The following PRH1 variants were observed in gnomAD, a reference collection of about 807,000 sequenced individuals.
PRH1 encodes the protein proline rich protein HaeIII subfamily 1.
A neutral mutation model predicts 7.9 loss-of-function variants in PRH1; 7 were observed. That is an observed-to-expected ratio of 0.89 (90% CI 0.50 to 1.67). The LOEUF (loss-of-function observed/expected upper bound fraction) is 1.67. PRH1 is among the 40% of genes most tolerant of loss of function. The pLI, the probability that PRH1 is intolerant of heterozygous loss-of-function variation, is 0.00. For synonymous variants in PRH1, 45 were observed against 80.8 expected, an observed-to-expected ratio of 0.56 and a Z score of 2.38; for missense variants, 109 against 223.6, an observed-to-expected ratio of 0.49 and a Z score of 3.27.
intron 2 of PRH1, chr12:10,896,700 T>C (rs1302256923): frequency 7.1e-6 from 1 of 141,810 alleles, no homozygotes; most frequent in African/African-American, 2.6e-5. Context: ...AGGCAGATGT[T>C]GCAGTGAGCC....
At chr12:10,920,970 T>C (rs1209687652) in intron 2 of PRH1, among the ~76,000 whole-genome samples, 1 of 152,100 alleles carries the variant, frequency 6.6e-6, no homozygotes, top group Non-Finnish European at 1.5e-5. Context: ...TCTGTTGAGA[T>C]AATTTTATGT....
At chr12:11,133,952 A>C (rs1946465936) in intron 1 of PRH1, 1 of 1,614,040 alleles carries the variant, frequency 6.2e-7, no homozygotes, top group African/African-American at 1.3e-5. Flanking sequence ...GCTAGTAGCA[A>C]GCCAGCTGCT....
chr12:10,907,531 G>GTA (rs1018248519), intron 2 of PRH1, among the ~76,000 whole-genome samples: 2 of 134,702 alleles, frequency 1.5e-5, no homozygotes, highest in Admixed American at 7.8e-5. Flanking sequence ...GTGTGTGTGT[G>GTA]TATATATGGC....
At chr12:11,064,452 C>A (rs1042909554) in intron 1 of PRH1, among the ~76,000 whole-genome samples, 2 of 151,856 alleles carry the variant, frequency 1.3e-5, no homozygotes, top group African/African-American at 4.8e-5. Context: ...TGAACAGTTA[C>A]GAATAATTCT....
chr12:11,049,773 C>T (rs564374004), upstream of PRH1, among the ~76,000 whole-genome samples: 1 of 152,050 alleles, frequency 6.6e-6, no homozygotes, highest in Non-Finnish European at 1.5e-5. Context: ...TTGTTTAATA[C>T]CAGAATCTAA....
chr12:11,065,447 AT>A (rs1943766526), intron 1 of PRH1, among the ~76,000 whole-genome samples: 1 of 93,256 alleles, frequency 1.1e-5, no homozygotes, highest in South Asian at 7.6e-4. Context: ...AGTTGTTCTG[AT>A]TGTAGCTTCA....
intron 2 of PRH1, among the ~76,000 whole-genome samples, chr12:10,953,805 T>C (rs752133960): frequency 5.3e-5 from 8 of 151,886 alleles, no homozygotes; most frequent in Non-Finnish European, 1.0e-4. Flanking sequence ...CCAAGACACA[T>C]AGTCATCAGA....
intron 2 of PRH1, among the ~76,000 whole-genome samples, chr12:10,945,895 T>TCCATTTGC (rs1950479727): frequency 6.6e-6 from 1 of 152,224 alleles, no homozygotes; most frequent in Non-Finnish European, 1.5e-5. Flanking sequence ...GTGATATTTC[T>TCCATTTGC]CCATTTGCTT....
chr12:10,908,263 G>T, intron 2 of PRH1: 2 of 796,662 alleles, frequency 2.5e-6, no homozygotes, highest in South Asian at 4.1e-5. Context: ...CATTTACAGT[G>T]ACCTTCACAA....
intron 1 of PRH1, among the ~76,000 whole-genome samples, chr12:11,168,806 TTAA>T (rs750364061): frequency 1.3e-5 from 2 of 152,208 alleles, no homozygotes; most frequent in Non-Finnish European, 2.9e-5. Context: ...CAATGGAATG[TTAA>T]TAAACCAAGG....
At chr12:11,088,263 C>A (rs1944776174) in intron 1 of PRH1, among the ~76,000 whole-genome samples, 1 of 121,518 alleles carries the variant, frequency 8.2e-6, no homozygotes, top group Non-Finnish European at 1.9e-5. Flanking sequence ...ATCACTTGAG[C>A]CCAGAAGGTT....
At chr12:11,105,995 C>T (rs1322807274) in intron 1 of PRH1, among the ~76,000 whole-genome samples, 1 of 44,018 alleles carries the variant, frequency 2.3e-5, no homozygotes, top group African/African-American at 6.7e-5. Context: ...AGCTGGACTG[C>T]AGTGGTGCTA....
At chr12:11,133,600 T>A (rs1946442635) in intron 1 of PRH1, 1 of 1,614,146 alleles carries the variant, frequency 6.2e-7, no homozygotes, top group Admixed American at 1.7e-5. Flanking sequence ...GATCTTGAGA[T>A]CCTTTGCCAT....
chr12:11,103,713 A>T (rs2597967), intron 1 of PRH1, among the ~76,000 whole-genome samples: 68,950 of 151,534 alleles, frequency 0.46, 16,479 homozygotes, highest in Non-Finnish European at 0.53. Context: ...AATAAAATAT[A>T]AAAAAAATGA....
At chr12:11,108,495 C>T (rs1372480650) in intron 1 of PRH1, among the ~76,000 whole-genome samples, 4 of 152,172 alleles carry the variant, frequency 2.6e-5, no homozygotes, top group South Asian at 2.1e-4. Context: ...ACTGGTTAGA[C>T]AGCGGGTGAA....
At chr12:11,021,309 T>C (rs1387398719) in intron 1 of PRH1, among the ~76,000 whole-genome samples, 1 of 152,084 alleles carries the variant, frequency 6.6e-6, no homozygotes, top group East Asian at 1.9e-4. Context: ...CAAATTACAA[T>C]GGAAAAGAGA....
At chr12:11,078,080 T>C in intron 1 of PRH1, 1 of 639,084 alleles carries the variant, frequency 1.6e-6, no homozygotes, top group South Asian at 1.6e-5. Context: ...AAACCAATTC[T>C]GGAGACCACC....
At chr12:10,989,567 A>G (rs1027736811) in intron 1 of PRH1, among the ~76,000 whole-genome samples, 3 of 152,194 alleles carry the variant, frequency 2.0e-5, no homozygotes, top group African/African-American at 4.8e-5. Flanking sequence ...TTACTTACAG[A>G]CTATATATGG....
At chr12:11,041,189 A>C (rs1363995484) in intron 1 of PRH1, among the ~76,000 whole-genome samples, 3 of 150,170 alleles carry the variant, frequency 2.0e-5, no homozygotes, top group South Asian at 2.1e-4. Context: ...ACAAAAAAAA[A>C]CTCCAATCTG....
Sources: allele counts gnomAD v4.1 joint callset (sites outside exome capture counted in the v4.1 genomes callset), GRCh38; gene constraint gnomAD v4.1.1; transcripts MANE v1.5; gene names NCBI Gene and HGNC (gene_info 2026-07-23, HGNC 2026-07-21).